PRKN: variants seen among roughly 807,000 people sequenced by gnomAD.
PRKN encodes E3 ubiquitin-protein ligase parkin.
Under a neutral mutation model 59.5 loss-of-function variants are expected in PRKN, and 56 were observed. That is an observed-to-expected ratio of 0.94 (90% CI 0.76 to 1.18). The LOEUF is 1.18. Ranked by LOEUF, PRKN falls within the 50% of genes most tolerant of loss-of-function variation. The probability of loss-of-function intolerance (pLI) is 0.00; values close to 1 mark genes in which losing one functional copy is unlikely to be tolerated. For synonymous variants in PRKN, 250 were observed against 222.1 expected (o/e 1.13, Z -1.12); for missense variants, 657 against 596.4 (o/e 1.10, Z -1.06).
chr6:161,631,278 C>A (rs761012266), intron 7 of PRKN, among the ~76,000 whole-genome samples: 1 of 152,200 alleles, frequency 6.6e-6, no homozygotes, highest in Non-Finnish European at 1.5e-5. Flanking sequence ...GTAAAGGAAA[C>A]AAATTCTTTA....
intron 7 of PRKN, among the ~76,000 whole-genome samples, chr6:161,762,553 A>G (rs1789245805): frequency 6.6e-6 from 1 of 152,220 alleles, no homozygotes; most frequent in African/African-American, 2.4e-5. Context: ...TATTGTATCC[A>G]CTGAACGTAT....
At chr6:162,686,711 A>G (rs1475943385) in intron 1 of PRKN, among the ~76,000 whole-genome samples, 5 of 152,206 alleles carry the variant, frequency 3.3e-5, no homozygotes, top group Non-Finnish European at 7.3e-5. Context: ...CAGGAGTTCA[A>G]GACCAACCTG....
intron 2 of PRKN, among the ~76,000 whole-genome samples, chr6:162,364,229 C>T (rs1352953141): frequency 6.6e-6 from 1 of 152,186 alleles, no homozygotes. Context: ...TATCCAAAAA[C>T]AATCATGATG....
intron 7 of PRKN, among the ~76,000 whole-genome samples, chr6:161,749,639 A>G (rs1378185984): frequency 6.6e-6 from 1 of 152,038 alleles, no homozygotes; most frequent in Admixed American, 6.6e-5. Flanking sequence ...CTGTAGCCCC[A>G]TGGTACACTG....
At position 161,361,858 on chromosome 6, in the gene PRKN, G is replaced by A. The variant is rs1784988611; in HGVS notation, c.1168-1653C>T. On this transcript the variant is annotated intron_variant, in intron 10 of 11. Transcript: ENST00000366898. The surrounding 1 kb of genome is among the most constrained non-coding windows in gnomAD (Gnocchi z 5.2). ...GCCCAGTGAGGGCGCTGTGGTTAGT[G>A]AGGGCCATTTCACAACTTGGTAACT... Among the ~76,000 whole-genome samples, 1 of 152,186 alleles carries A rather than the reference G, an allele frequency of 6.6e-6. No individual in the cohort carries two copies. The highest frequency in any genetic ancestry group is 2.4e-5 in the African/African-American group (1 of 41,448).
At position 161,386,118 on chromosome 6, in the gene PRKN, T is replaced by A. The variant is rs933097334; in HGVS notation, c.1167+676A>T. Reference sequence around the variant, plus strand: ...AGGATTTATTTGCAAAGATTTGGTGTTTAAACCCTTGTTAACATCTACATT... The same window carrying A: ...AGGATTTATTTGCAAAGATTTGGTGATTAAACCCTTGTTAACATCTACATT... On this transcript the variant is annotated intron_variant, in intron 10 of 11. Transcript: ENST00000366898. The surrounding 1 kb of genome is among the most constrained non-coding windows in gnomAD (Gnocchi z 4.3). Among the ~76,000 whole-genome samples the A allele has an allele frequency of 6.6e-6, 1 of 152,242 alleles. No individual in the cohort carries two copies. The highest frequency in any genetic ancestry group is 2.4e-5 in the African/African-American group (1 of 41,478).
At chr6:162,266,032 G>A (rs1188898936) in intron 2 of PRKN, among the ~76,000 whole-genome samples, 2 of 152,154 alleles carry the variant, frequency 1.3e-5, no homozygotes, top group East Asian at 3.9e-4. Flanking sequence ...AGAGAAATGG[G>A]CATCAGGATC....
intron 1 of PRKN, among the ~76,000 whole-genome samples, chr6:162,522,513 T>C (rs1778118288): frequency 6.6e-6 from 1 of 152,230 alleles, no homozygotes. Context: ...TTAAAGAATA[T>C]TTGGCTTTTG....
chr6:161,941,759 G>A (rs1779577139), intron 6 of PRKN, among the ~76,000 whole-genome samples: 1 of 152,094 alleles, frequency 6.6e-6, no homozygotes, highest in South Asian at 2.1e-4. Flanking sequence ...CTAAAGAAGT[G>A]AGCCACGCCC....
At chr6:161,426,685 A>G (rs1224968375) in intron 9 of PRKN, among the ~76,000 whole-genome samples, 2 of 146,492 alleles carry the variant, frequency 1.4e-5, no homozygotes, top group Non-Finnish European at 3.0e-5. Flanking sequence ...ACCTCCTATT[A>G]GTTCTGTCCC....
chr6:162,636,461 C>T (rs1052176421), intron 1 of PRKN, among the ~76,000 whole-genome samples: 3 of 152,040 alleles, frequency 2.0e-5, no homozygotes, highest in Non-Finnish European at 4.4e-5. Context: ...AAACTTGGCA[C>T]AAAGAGGGTA....
intron 6 of PRKN, among the ~76,000 whole-genome samples, chr6:161,906,505 G>A (rs2128236125): frequency 6.6e-6 from 1 of 152,032 alleles, no homozygotes; most frequent in Middle Eastern, 3.4e-3. Flanking sequence ...TCGACTCTGG[G>A]ACTCCATCTA....
chr6:162,014,805 C>T (rs1040943928), intron 5 of PRKN, among the ~76,000 whole-genome samples: 1 of 136,598 alleles, frequency 7.3e-6, no homozygotes, highest in East Asian at 2.7e-4. Flanking sequence ...GATCACCTTT[C>T]GTATTTTTTT....
At chr6:161,609,649 T>C (rs1329412774) in intron 7 of PRKN, among the ~76,000 whole-genome samples, 1 of 152,132 alleles carries the variant, frequency 6.6e-6, no homozygotes, top group Non-Finnish European at 1.5e-5. Flanking sequence ...ACATGAACTT[T>C]CCTTTAAGAA....
intron 7 of PRKN, among the ~76,000 whole-genome samples, chr6:161,764,566 G>A (rs1055308723): frequency 6.6e-6 from 1 of 152,060 alleles, no homozygotes; most frequent in Non-Finnish European, 1.5e-5. Flanking sequence ...TCCAAGTTAA[G>A]GGAAAATTAT....
chr6:162,704,641 A>G (rs547785925), intron 1 of PRKN, among the ~76,000 whole-genome samples: 5 of 152,216 alleles, frequency 3.3e-5, no homozygotes, highest in Non-Finnish European at 7.3e-5. Flanking sequence ...TTAATGTTAC[A>G]ATTTATAAAT....
intron 6 of PRKN, among the ~76,000 whole-genome samples, chr6:161,967,460 T>C (rs1324842685): frequency 2.6e-5 from 4 of 152,234 alleles, no homozygotes; most frequent in Admixed American, 6.5e-5. Context: ...TCCTGGATTT[T>C]ACACGGAAAC....
At chr6:161,792,865 G>T (rs2128208439) in intron 6 of PRKN, among the ~76,000 whole-genome samples, 1 of 152,314 alleles carries the variant, frequency 6.6e-6, no homozygotes, top group East Asian at 1.9e-4. Context: ...CTTAACGACT[G>T]TCACTTTAAG....
At chr6:161,568,501 G>A (rs1780738434) in intron 8 of PRKN, among the ~76,000 whole-genome samples, 1 of 152,236 alleles carries the variant, frequency 6.6e-6, no homozygotes, top group South Asian at 2.1e-4. Context: ...GCTGAGACAG[G>A]AGAATGGCGT....
Sources: gnomAD v4.1 joint callset for allele counts (sites outside exome capture counted in the v4.1 genomes callset) on GRCh38, gnomAD v4.1.1 for gene constraint, Gnocchi (gnomAD v3.1) non-coding constraint, MANE v1.5 for transcripts, NCBI Gene and HGNC (gene_info 2026-07-23, HGNC 2026-07-21) for gene names.